SMURF1: variants seen among roughly 807,000 people sequenced by gnomAD.
SMURF1 encodes SMAD specific E3 ubiquitin protein ligase 1.
A neutral mutation model predicts 98.0 loss-of-function variants in SMURF1; 44 were observed. The observed-to-expected ratio is 0.45, with a 90% confidence interval of 0.35 to 0.58. SMURF1 has a LOEUF of 0.58. Among genes scored for constraint, SMURF1 ranks in the 20% least tolerant of loss-of-function variants. SMURF1 has a pLI of 0.00. For missense variants in SMURF1, 687 were observed against 938.4 expected, an observed-to-expected ratio of 0.73 and a Z score of 3.50; for synonymous variants, 396 against 374.9, an observed-to-expected ratio of 1.06 and a Z score of -0.65.
intron 9 of SMURF1, chr7:99,048,616 C>T (rs1388594857): frequency 6.6e-6 from 1 of 152,276 alleles, no homozygotes; most frequent in Non-Finnish European, 1.5e-5. Context: ...ATGATAGGCA[C>T]AACAGCAGAC....
intron 1 of SMURF1, among the ~76,000 whole-genome samples, chr7:99,065,826 T>A (rs190678053): frequency 8.1e-4 from 123 of 152,094 alleles, no homozygotes; most frequent in African/African-American, 2.7e-3. Flanking sequence ...GGTGGGAGGA[T>A]CACGAGGTCA....
At chr7:99,066,988 ATTTT>A (rs772382345) in intron 1 of SMURF1, among the ~76,000 whole-genome samples, 79 of 131,008 alleles carry the variant, frequency 6.0e-4, no homozygotes, top group Non-Finnish European at 2.3e-4. Context: ...TTGTATTTGG[ATTTT>A]TTTTTCTTTT....
intron 1 of SMURF1, among the ~76,000 whole-genome samples, chr7:99,136,997 T>C (rs980325726): frequency 2.0e-5 from 3 of 152,164 alleles, no homozygotes; most frequent in Non-Finnish European, 2.9e-5. Flanking sequence ...GCACATTACC[T>C]GGCCTGGGAA....
At chr7:99,127,043 T>A (rs1227363449) in intron 1 of SMURF1, among the ~76,000 whole-genome samples, 1 of 152,196 alleles carries the variant, frequency 6.6e-6, no homozygotes, top group African/African-American at 2.4e-5. Flanking sequence ...CTCCACCACA[T>A]GACACACAGC....
intron 1 of SMURF1, among the ~76,000 whole-genome samples, chr7:99,096,305 C>A (rs1203536706): frequency 1.3e-5 from 2 of 152,222 alleles, no homozygotes; most frequent in Admixed American, 1.3e-4. Flanking sequence ...TAGAACAGAA[C>A]ACATGCCCTG....
At chr7:99,118,236 G>T (rs1797507083) in intron 1 of SMURF1, among the ~76,000 whole-genome samples, 1 of 152,134 alleles carries the variant, frequency 6.6e-6, no homozygotes, top group South Asian at 2.1e-4. Context: ...CTGGAAAACG[G>T]TTTGGCAGTC....
At position 99,027,833 on chromosome 7, in the gene SMURF1, G is replaced by A. The variant is rs1390206852; in HGVS notation, c.*2751C>T. 6.6e-6 allele frequency: 1 copy of A among 152,574 alleles called. No homozygotes were observed. Among genetic ancestry groups the A allele is most frequent in the Non-Finnish European group, 1.5e-5 (1 of 68,054 alleles). The allele number at this position is 152,574 out of a possible 1,614,324, so 9.5% of individuals were successfully genotyped here. ...GTGGGGGGACATTTTCTCTGCAGAAGGCCTTTCCTGACATCTCGGGTTGGG... is the reference window on the plus strand; with the variant it reads ...GTGGGGGGACATTTTCTCTGCAGAAAGCCTTTCCTGACATCTCGGGTTGGG... On this transcript the variant is annotated 3_prime_UTR_variant, in exon 18 of 18. Transcript: ENST00000361368.
At chr7:99,037,551 C>G (rs1279233895) in intron 14 of SMURF1, among the ~76,000 whole-genome samples, 5 of 152,150 alleles carry the variant, frequency 3.3e-5, no homozygotes, top group Non-Finnish European at 5.9e-5. Context: ...TGAGCAGGTT[C>G]TGATATCACA....
intron 1 of SMURF1, among the ~76,000 whole-genome samples, chr7:99,101,288 C>A (rs1797074298): frequency 6.6e-6 from 1 of 152,196 alleles, no homozygotes; most frequent in African/African-American, 2.4e-5. Context: ...GGGAGGATCA[C>A]TTGAGCCCAG....
intron 1 of SMURF1, among the ~76,000 whole-genome samples, chr7:99,090,182 G>A (rs568842629): frequency 2.4e-4 from 37 of 152,206 alleles, no homozygotes; most frequent in Non-Finnish European, 4.3e-4. Flanking sequence ...ACTGCAACTA[G>A]CGTTTGTCCT....
At chr7:99,131,773 C>T (rs1462938243) in intron 1 of SMURF1, among the ~76,000 whole-genome samples, 1 of 152,002 alleles carries the variant, frequency 6.6e-6, no homozygotes, top group Non-Finnish European at 1.5e-5. Flanking sequence ...AAAATGCAAT[C>T]TAGGGGAACC....
chr7:99,098,031 C>T (rs1029704469), intron 1 of SMURF1, among the ~76,000 whole-genome samples: 3 of 152,118 alleles, frequency 2.0e-5, no homozygotes, highest in African/African-American at 7.2e-5. Flanking sequence ...AAGTTAGCCA[C>T]CAGCAAAATT....
chr7:99,143,345 G>A, intron 1 of SMURF1, among the ~76,000 whole-genome samples: 1 of 144,486 alleles, frequency 6.9e-6, no homozygotes, highest in East Asian at 2.1e-4. Flanking sequence ...GAGAGGTGAG[G>A]GGAAAGGGCC....
Position 99,045,577 on chromosome 7 carries a change from C to G in SMURF1, c.1256+121G>C, listed in dbSNP as rs1267765276. On this transcript the variant is annotated intron_variant, in intron 11 of 17. Coordinates refer to ENST00000361368, the MANE Select transcript of SMURF1 (RefSeq NM_181349.3). ...GCCAGTGCATGATGGCCCGACTGCT[C>G]CAAGGAGACATCAGCCCTGCCCAGG... 3 of 773,954 alleles carry G rather than the reference C, an allele frequency of 3.9e-6. No individual in the cohort carries two copies. The African/African-American group carries it at 5.2e-5, about 13-fold the overall frequency. 47.9% of individuals were successfully genotyped at this position (773,954 alleles called of 1,614,324 possible).
Position 99,121,492 on chromosome 7 carries a change from T to C in SMURF1, c.55+22234A>G, listed in dbSNP as rs1797621128. Among the ~76,000 whole-genome samples the C allele has an allele frequency of 2.6e-5, 4 of 152,186 alleles. No individual in the cohort carries two copies. In the South Asian group the frequency reaches 8.3e-4, roughly 32 times the overall value. ...CTATAGACAGATTTCAGCAGATAAC[T>C]GTGTAAAAGAAAAGAGAGTGATATT... On this transcript the variant is annotated intron_variant, in intron 1 of 17. Coordinates refer to ENST00000361368, the MANE Select transcript of SMURF1 (RefSeq NM_181349.3).
intron 3 of SMURF1, among the ~76,000 whole-genome samples, chr7:99,059,969 A>C (rs1795991208): frequency 6.6e-6 from 1 of 152,096 alleles, no homozygotes. Context: ...GGTTTTGCTG[A>C]AAAACAGTAG....
chr7:99,087,377 C>T (rs895041491), intron 1 of SMURF1, among the ~76,000 whole-genome samples: 1 of 151,860 alleles, frequency 6.6e-6, no homozygotes, highest in African/African-American at 2.4e-5. Flanking sequence ...AGAGAAAGAC[C>T]CTGTCTTAAA....
rs115835129 is a variant in SMURF1 at position 99,090,412 on chromosome 7, A to G, written c.56-28575T>C. On this transcript the variant is annotated intron_variant, in intron 1 of 17. Transcript: ENST00000361368. ...AGCGATAGCAGGGTTGGAAGGTGGC[A>G]TTTTGCTGAGACCCTCTTATCTCTC... Among the ~76,000 whole-genome samples, 1,453 of 152,186 alleles carry G rather than the reference A, an allele frequency of 9.5e-3. 17 individuals carry two copies. Among genetic ancestry groups the G allele is most frequent in the African/African-American group, 0.032 (1,321 of 41,518 alleles).
At chr7:99,074,006 T>G (rs2150559948) in intron 1 of SMURF1, among the ~76,000 whole-genome samples, 1 of 152,332 alleles carries the variant, frequency 6.6e-6, no homozygotes, top group East Asian at 1.9e-4. Context: ...CAAAATGGAA[T>G]ACTATACAGC....
Sources: gnomAD v4.1 joint callset for allele counts (sites outside exome capture counted in the v4.1 genomes callset) on GRCh38, gnomAD v4.1.1 for gene constraint, MANE v1.5 for transcripts, NCBI Gene and HGNC (gene_info 2026-07-23, HGNC 2026-07-21) for gene names.